The following NUTM2G variants were observed in gnomAD, a reference collection of about 807,000 sequenced individuals.
NUTM2G encodes NUT family member 2G, also known as family with sequence similarity 22, member G.
Under a neutral mutation model 44.3 loss-of-function variants are expected in NUTM2G, and 29 were observed. That is an observed-to-expected ratio of 0.66 (90% confidence interval 0.49 to 0.89). NUTM2G has a LOEUF of 0.89. Among genes scored for constraint, NUTM2G ranks in the 40% least tolerant of loss-of-function variants. The probability of loss-of-function intolerance (pLI) is 0.00; values close to 1 mark genes in which losing one functional copy is unlikely to be tolerated. For missense variants in NUTM2G, 502 were observed against 946.5 expected (o/e 0.53, Z 6.16); for synonymous variants, 205 against 395.9 (o/e 0.52, Z 5.72).
At position 96,936,915 on chromosome 9, in the gene NUTM2G, C is replaced by T. The variant is rs1382991366; in HGVS notation, c.983-149C>T. On this transcript the variant is annotated intron_variant, in intron 4 of 6. Coordinates refer to ENST00000372322, the MANE Select transcript of NUTM2G (RefSeq NM_001170741.3). Reference sequence around the variant, plus strand: ...GCGATGCTGTCTCAGATGTGCCCCTCCTGCGGCGTCTCCTCCGGGGCGCTG... The same window carrying T: ...GCGATGCTGTCTCAGATGTGCCCCTTCTGCGGCGTCTCCTCCGGGGCGCTG... The T allele has an allele frequency of 7.4e-6, 10 of 1,342,686 alleles. No homozygotes were observed. In the East Asian group the frequency reaches 2.0e-4, roughly 27 times the overall value. 83.2% of individuals were successfully genotyped at this position (1,342,686 alleles called of 1,614,324 possible).
At chr9:96,930,896 T>G (rs1272409220) in intron 1 of NUTM2G, among the ~76,000 whole-genome samples, 2 of 85,158 alleles carry the variant, frequency 2.3e-5, no homozygotes, top group South Asian at 7.4e-4. Flanking sequence ...TTTTTTTTTT[T>G]TTTTTTTTTT....
At chr9:96,933,280 T>C (rs537156484) in intron 2 of NUTM2G, among the ~76,000 whole-genome samples, 297 of 151,256 alleles carry the variant, frequency 2.0e-3, no homozygotes, top group East Asian at 8.9e-3. Flanking sequence ...GCCCGGCTTT[T>C]ACTTTCAATA....
chr9:96,937,627 A>G (rs931698363), intron 5 of NUTM2G, among the ~76,000 whole-genome samples: 2 of 150,888 alleles, frequency 1.3e-5, no homozygotes, highest in African/African-American at 4.9e-5. Context: ...GTGAGTCTGG[A>G]GTGTGTATGT....
intron 3 of NUTM2G, 44 bp downstream of exon 3, chr9:96,935,500 G>C (rs551745633): frequency 6.2e-7 from 1 of 1,611,900 alleles, no homozygotes; most frequent in South Asian, 1.1e-5. Context: ...GGCGGGGTGA[G>C]AGTGAATGAC....
At chr9:96,936,283 G>C in intron 3 of NUTM2G, 142 bp from the exon 4 acceptor site, 1 of 1,452,652 alleles carries the variant, frequency 6.9e-7, no homozygotes, top group Admixed American at 2.3e-5. Flanking sequence ...GCTCCCTCCT[G>C]GGACTGGGGG....
Position 96,937,136 on chromosome 9 carries a change from C to G in NUTM2G, c.1055C>G (p.Ala352Gly), listed in dbSNP as rs199979789. ...CCACCACCCAGGCCCCAGAGGCCAG[C>G]GGAGACCAAGGCCCACCTGCCACCA... ...CLPPPRPQRP[A>G]ETKAHLPPPR... Residue 352 changes from alanine to glycine, a missense_variant, in exon 5 of 7, where the codon GCG becomes GGG. Ala to Gly is a moderately conservative substitution (Grantham distance 60). Transcript: ENST00000372322. The G allele has an allele frequency of 2.5e-6, 4 of 1,611,704 alleles. No homozygotes were observed. The South Asian group carries it at 3.3e-5, about 13-fold the overall frequency.
intron 1 of NUTM2G, among the ~76,000 whole-genome samples, chr9:96,930,509 G>A (rs1295283917): frequency 7.1e-6 from 1 of 141,394 alleles, no homozygotes; most frequent in East Asian, 2.0e-4. Context: ...GGGTGACAGA[G>A]CGAGACTCCG....
intron 2 of NUTM2G, among the ~76,000 whole-genome samples, chr9:96,933,161 G>C (rs182463280): frequency 1.6e-4 from 24 of 147,448 alleles, no homozygotes; most frequent in Middle Eastern, 3.6e-3. Context: ...TGTATTTTTA[G>C]TAGAGACGGG....
At position 96,935,468 on chromosome 9, in the gene NUTM2G, G is replaced by A. The variant is rs143944891; in HGVS notation, c.842+12G>A. 2,674 of 1,612,048 alleles carry A rather than the reference G, an allele frequency of 1.7e-3. 38 individuals are homozygous for A. The African/African-American group carries it at 0.032, about 19-fold the overall frequency. On this transcript the variant is annotated intron_variant, in intron 3 of 6. Coordinates refer to ENST00000372322, the MANE Select transcript of NUTM2G (RefSeq NM_001170741.3). ...GAGATGGCGGCAAAGTGAGTCTGGG[G>A]TCCTGGGGGCAGGGCCCGTGTGGCG...
Position 96,936,482 on chromosome 9 carries a change from G to C in NUTM2G, c.900G>C (p.Lys300Asn), listed in dbSNP as rs770207657. 1 of 1,561,792 alleles carries C rather than the reference G, an allele frequency of 6.4e-7. No individual in the cohort carries two copies. The highest frequency in any genetic ancestry group is 1.8e-5 in the Admixed American group (1 of 54,416). Reference protein sequence around the residue: ...EMQIQKSQWMKGPQSLPPPAP... With the variant: ...EMQIQKSQWMNGPQSLPPPAP... ...AGATTCAGAAATCGCAGTGGATGAA[G>C]GGGCCCCAGAGCCTGCCTCCTCCAG... Residue 300 changes from lysine to asparagine, a missense_variant, in exon 4 of 7, where the codon AAG becomes AAC. By Grantham distance (94) the Lys-to-Asn change is moderately conservative (BLOSUM62 0). Transcript: ENST00000372322.
At chr9:96,932,856 T>G (rs974436162) in intron 2 of NUTM2G, among the ~76,000 whole-genome samples, 5 of 151,422 alleles carry the variant, frequency 3.3e-5, no homozygotes, top group Non-Finnish European at 7.4e-5. Context: ...TCCATGTTGG[T>G]CAGGCTGGTC....
intron 1 of NUTM2G, among the ~76,000 whole-genome samples, chr9:96,930,874 T>TTG (rs1826220534): frequency 5.5e-5 from 1 of 18,286 alleles, no homozygotes; most frequent in East Asian, 9.5e-4. Flanking sequence ...ATCCAGTGGT[T>TTG]TTTTTTTTTT....
chr9:96,933,247 C>T lies in NUTM2G; in HGVS notation c.713+829C>T, dbSNP rs149303405. ...CCCGCCTCGGCCTCCCAAAGTGCTGCGATTGCAGGCATGACCCACCGTGCC... is the reference window on the plus strand; with the variant it reads ...CCCGCCTCGGCCTCCCAAAGTGCTGTGATTGCAGGCATGACCCACCGTGCC... On this transcript the variant is annotated intron_variant, in intron 2 of 6. Transcript: ENST00000372322. Among the ~76,000 whole-genome samples the T allele has an allele frequency of 5.3e-5, 8 of 149,578 alleles. No homozygotes were observed. The East Asian group carries it at 1.2e-3, about 23-fold the overall frequency.
In NUTM2G at chr9:96,937,327, G is replaced by C; in HGVS notation, c.1246G>C (p.Glu416Gln). ...EKGKVEQPQE[E>Q]DGMTSDPGLL... ...GGGCAAAGTGGAGCAGCCGCAGGAA[G>C]AGGACGGGATGACCTCAGACCCGGG... The change falls in exon 5 of 7, where the codon GAG (glutamate) becomes CAG (glutamine). Residue 416 changes from glutamate to glutamine, a missense_variant. Coordinates refer to ENST00000372322, the MANE Select transcript of NUTM2G (RefSeq NM_001170741.3). The C allele has an allele frequency of 6.2e-7, 1 of 1,613,962 alleles. No homozygotes were observed. Among genetic ancestry groups the C allele is most frequent in the Non-Finnish European group, 8.5e-7 (1 of 1,179,874 alleles).
At chr9:96,935,193 G>A (rs1826386812) in intron 2 of NUTM2G, 135 bp from the exon 3 acceptor site, 23 of 1,455,540 alleles carry the variant, frequency 1.6e-5, no homozygotes, top group Non-Finnish European at 2.0e-5. Context: ...AGGCTGAGGA[G>A]CCCACATGGG....
In NUTM2G at chr9:96,937,098, G is replaced by C. The variant is rs749504282; in HGVS notation, c.1017G>C (p.Pro339=). Residue 339 remains proline (P), a synonymous_variant, in exon 5 of 7, where the codon CCG becomes CCC. Coordinates refer to ENST00000372322, the MANE Select transcript of NUTM2G (RefSeq NM_001170741.3). ...YLPSKDGPKA[P]TACLPPPRPQ... Reference sequence around the variant, plus strand: ...CCAGCAAGGATGGCCCCAAGGCCCCGACTGCCTGCCTGCCACCACCCAGGC... The same window carrying C: ...CCAGCAAGGATGGCCCCAAGGCCCCCACTGCCTGCCTGCCACCACCCAGGC... 6.2e-7 allele frequency: 1 copy of C among 1,610,720 alleles called. No individual in the cohort carries two copies. Among genetic ancestry groups the C allele is most frequent in the Non-Finnish European group, 8.5e-7 (1 of 1,179,416 alleles).
At position 96,937,168 on chromosome 9, in the gene NUTM2G, C is replaced by T. The variant is rs1295003381; in HGVS notation, c.1087C>T (p.Pro363Ser). 1.2e-6 allele frequency: 2 copies of T among 1,612,310 alleles called. No individual in the cohort carries two copies. The highest frequency in any genetic ancestry group is 1.7e-6 in the Non-Finnish European group (2 of 1,179,868). ...ETKAHLPPPR[P>S]PRPAETKVPE... ...CAAGGCCCACCTGCCACCACCCAGG[C>T]CCCCGAGGCCAGCAGAGACCAAGGT... is the stretch of plus-strand genomic sequence containing the variant. Residue 363 changes from proline to serine, a missense_variant, in exon 5 of 7, where the codon CCC (proline) becomes TCC (serine). Coordinates refer to ENST00000372322, the MANE Select transcript of NUTM2G (RefSeq NM_001170741.3).
rs1280922664 is a variant in NUTM2G, at chr9:96,936,459, A to T, written c.877A>T (p.Ile293Phe). The T allele has an allele frequency of 1.3e-6, 2 of 1,575,730 alleles. No homozygotes were observed. Among genetic ancestry groups the T allele is most frequent in the Non-Finnish European group, 1.7e-6 (2 of 1,169,086 alleles). ...LEFEAEEEMQ[I>F]QKSQWMKGPQ... ...GTTTGAGGCTGAGGAGGAGATGCAGATTCAGAAATCGCAGTGGATGAAGGG... is the reference window on the plus strand; with the variant it reads ...GTTTGAGGCTGAGGAGGAGATGCAGTTTCAGAAATCGCAGTGGATGAAGGG... Residue 293 changes from isoleucine to phenylalanine, a missense_variant, in exon 4 of 7, where the codon ATT becomes TTT. Transcript: ENST00000372322.
rs191794978 is a variant in NUTM2G at position 96,933,200 on chromosome 9, A to G, written c.713+782A>G. On this transcript the variant is annotated intron_variant, in intron 2 of 6. Transcript: ENST00000372322. Reference sequence around the variant, plus strand: ...TCACCATGTTAGCCAGGATGCTCTCAATCTCCTGCCCTGGTGATTCTCCCG... The same window carrying G: ...TCACCATGTTAGCCAGGATGCTCTCGATCTCCTGCCCTGGTGATTCTCCCG... Among the ~76,000 whole-genome samples, 92 of 148,090 alleles carry G rather than the reference A, an allele frequency of 6.2e-4. 1 individual carries two copies. The East Asian group carries it at 7.3e-3, about 12-fold the overall frequency.
Sources: allele counts gnomAD v4.1 joint callset (sites outside exome capture counted in the v4.1 genomes callset), GRCh38; gene constraint gnomAD v4.1.1; transcripts MANE v1.5; gene names NCBI Gene and HGNC (gene_info 2026-07-23, HGNC 2026-07-21).